MGMT: variants seen among roughly 807,000 people sequenced by gnomAD.
MGMT encodes the protein O-6-methylguanine-DNA methyltransferase.
Under a neutral mutation model 15.9 loss-of-function variants are expected in MGMT, and 14 were observed. That is an observed-to-expected ratio of 0.88 (90% CI 0.58 to 1.37). The LOEUF is 1.37. MGMT is among the 40% of genes most tolerant of loss of function. The pLI, the probability that MGMT is intolerant of heterozygous loss-of-function variation, is 0.00. For missense variants in MGMT, 282 were observed against 268.1 expected, an observed-to-expected ratio of 1.05 and a Z score of -0.36; for synonymous variants, 130 against 118.2, an observed-to-expected ratio of 1.10 and a Z score of -0.65.
At chr10:129,660,340 T>C (rs1365214415) in intron 2 of MGMT, among the ~76,000 whole-genome samples, 2 of 152,104 alleles carry the variant, frequency 1.3e-5, no homozygotes, top group African/African-American at 2.4e-5. Context: ...GGGGTTCTAG[T>C]TGGAAGGCGT....
intron 2 of MGMT, among the ~76,000 whole-genome samples, chr10:129,679,796 C>T (rs982674463): frequency 6.6e-6 from 1 of 152,182 alleles, no homozygotes; most frequent in Non-Finnish European, 1.5e-5. Flanking sequence ...AACCTAATGC[C>T]TTCCTTTGCA....
Position 129,769,418 on chromosome 10 carries a change from AAAAG to A in MGMT, c.*2425_*2428del, listed in dbSNP as rs1374899947. 2 of 152,154 alleles carry A rather than the reference AAAAG, an allele frequency of 1.3e-5. No individual in the cohort carries two copies. Among genetic ancestry groups the A allele is most frequent in the Non-Finnish European group, 2.9e-5 (2 of 68,046 alleles). 9.4% of individuals were successfully genotyped at this position (152,154 alleles called of 1,614,324 possible). A position where few individuals can be genotyped will look rare whatever the true frequency, so the allele number is the denominator to read the frequency against. ...GAAATACAAAACTATTTTCCAAATA[AAAAG>A]AAATGTCGAAACAAGAAAGCTGTGT... On this transcript the variant is annotated 3_prime_UTR_variant, in exon 5 of 5. Transcript: ENST00000651593.
At chr10:129,764,720 GTACCCGGAGTGA>G (rs1848913665) in intron 4 of MGMT, among the ~76,000 whole-genome samples, 1 of 152,208 alleles carries the variant, frequency 6.6e-6, no homozygotes, top group African/African-American at 2.4e-5. Context: ...ATACCCGGGG[GTACCCGGAGTGA>G]TACCCGGAGG....
chr10:129,471,702 C>T (rs1778552286), intron 1 of MGMT, among the ~76,000 whole-genome samples: 2 of 152,162 alleles, frequency 1.3e-5, no homozygotes, highest in South Asian at 4.1e-4. Flanking sequence ...CCATGGGAGA[C>T]CTACAGGACC....
intron 2 of MGMT, among the ~76,000 whole-genome samples, chr10:129,633,001 A>G (rs371663903): frequency 1.3e-5 from 2 of 152,176 alleles, no homozygotes; most frequent in African/African-American, 2.4e-5. Flanking sequence ...GTTTTTCATC[A>G]TTGTATTAGG....
At chr10:129,515,915 G>T (rs1267801254) in intron 1 of MGMT, among the ~76,000 whole-genome samples, 2 of 152,116 alleles carry the variant, frequency 1.3e-5, no homozygotes, top group Non-Finnish European at 2.9e-5. Flanking sequence ...TTCTGTGAAG[G>T]GTCTGTTTTA....
intron 3 of MGMT, among the ~76,000 whole-genome samples, chr10:129,758,282 G>T (rs116597790): frequency 1.3e-5 from 2 of 152,098 alleles, no homozygotes; most frequent in African/African-American, 4.8e-5. Context: ...TCAGAACATC[G>T]TTCCTGCCCG....
chr10:129,667,278 G>C (rs1847670321), intron 2 of MGMT, among the ~76,000 whole-genome samples: 1 of 152,004 alleles, frequency 6.6e-6, no homozygotes, highest in Admixed American at 6.6e-5. Context: ...ATCAATTTCT[G>C]GTTTTTCTTT....
chr10:129,489,233 G>A (rs1393524415), intron 1 of MGMT, among the ~76,000 whole-genome samples: 2 of 150,796 alleles, frequency 1.3e-5, no homozygotes, highest in Non-Finnish European at 2.9e-5. Flanking sequence ...GGTGGTGTGT[G>A]CCTGTAATCC....
chr10:129,506,570 G>A (rs536188738), intron 1 of MGMT, among the ~76,000 whole-genome samples: 73 of 152,150 alleles, frequency 4.8e-4, no homozygotes, highest in African/African-American at 1.6e-3. Context: ...CATGCCCAGC[G>A]CTGGTGGCTG....
At chr10:129,622,764 G>A (rs910963457) in intron 2 of MGMT, among the ~76,000 whole-genome samples, 7 of 151,930 alleles carry the variant, frequency 4.6e-5, no homozygotes, top group African/African-American at 1.7e-4. Flanking sequence ...GTGAATAAAT[G>A]TAATCCTGAC....
intron 2 of MGMT, among the ~76,000 whole-genome samples, chr10:129,602,728 G>A (rs1846838844): frequency 6.6e-6 from 1 of 152,102 alleles, no homozygotes; most frequent in Non-Finnish European, 1.5e-5. Context: ...CCTGGGGGCT[G>A]CCACCCTCCC....
chr10:129,689,055 G>A (rs1195007852), intron 2 of MGMT, among the ~76,000 whole-genome samples: 3 of 152,076 alleles, frequency 2.0e-5, no homozygotes, highest in African/African-American at 7.2e-5. Context: ...TCAGCCTCCT[G>A]GGTAGCTGAG....
intron 4 of MGMT, among the ~76,000 whole-genome samples, chr10:129,760,603 C>T (rs1848861366): frequency 3.9e-5 from 6 of 152,142 alleles, no homozygotes; most frequent in Admixed American, 3.9e-4. Context: ...CTGCCCGCTG[C>T]AGCAGCCTGG....
intron 2 of MGMT, among the ~76,000 whole-genome samples, chr10:129,606,535 C>T (rs1036345873): frequency 6.6e-6 from 1 of 152,200 alleles, no homozygotes; most frequent in Non-Finnish European, 1.5e-5. Flanking sequence ...AATTTACATA[C>T]TTTGAATGAA....
At chr10:129,503,457 A>G in intron 1 of MGMT, among the ~76,000 whole-genome samples, 1 of 152,228 alleles carries the variant, frequency 6.6e-6, no homozygotes, top group Non-Finnish European at 1.5e-5. Flanking sequence ...AATTAACCTG[A>G]ATTAGCTTGA....
At chr10:129,744,547 C>G (rs1011913905) in intron 3 of MGMT, among the ~76,000 whole-genome samples, 25 of 152,274 alleles carry the variant, frequency 1.6e-4, no homozygotes, top group African/African-American at 6.0e-4. Flanking sequence ...CACCTTCCCC[C>G]TGCTGTGAAC....
At chr10:129,698,999 A>G (rs1294824596) in intron 2 of MGMT, among the ~76,000 whole-genome samples, 1 of 152,240 alleles carries the variant, frequency 6.6e-6, no homozygotes, top group Non-Finnish European at 1.5e-5. Context: ...TTTGAATAAA[A>G]TTTAACTAGA....
At chr10:129,472,470 T>G (rs1845242690) in intron 1 of MGMT, among the ~76,000 whole-genome samples, 1 of 152,094 alleles carries the variant, frequency 6.6e-6, no homozygotes, top group Non-Finnish European at 1.5e-5. Flanking sequence ...TTTCGAGCCC[T>G]CGTTTTCCCC....
Sources: gnomAD v4.1 joint callset for allele counts (sites outside exome capture counted in the v4.1 genomes callset) on GRCh38, gnomAD v4.1.1 for gene constraint, MANE v1.5 for transcripts, NCBI Gene and HGNC (gene_info 2026-07-23, HGNC 2026-07-21) for gene names.